ATXN1: variants seen among roughly 807,000 people sequenced by gnomAD.
ATXN1 encodes the protein ataxin 1, also known as ataxin-1.
A neutral mutation model predicts 56.4 loss-of-function variants in ATXN1; 8 were observed. The observed-to-expected ratio is 0.14, with a 90% confidence interval of 0.08 to 0.26. ATXN1 has a LOEUF of 0.26. ATXN1 is among the 10% of genes least tolerant of loss of function. The pLI is 1.00. For synonymous variants in ATXN1, 514 were observed against 494.6 expected, an observed-to-expected ratio of 1.04 and a Z score of -0.52; for missense variants, 987 against 1,106.5, an observed-to-expected ratio of 0.89 and a Z score of 1.53.
At chr6:16,331,450 G>T (rs138435789) in intron 6 of ATXN1, among the ~76,000 whole-genome samples, 31 of 152,190 alleles carry the variant, frequency 2.0e-4, no homozygotes, top group Non-Finnish European at 4.4e-4. Context: ...CCATACCAAC[G>T]AGCAAGGAAA....
intron 6 of ATXN1, among the ~76,000 whole-genome samples, chr6:16,366,678 G>A (rs111860606): frequency 0.026 from 3,993 of 151,800 alleles, 84 homozygotes; most frequent in Non-Finnish European, 0.041. Context: ...CTACTCGGGA[G>A]GCTGAGACAG....
At chr6:16,390,915 C>A (rs539828624) in intron 6 of ATXN1, among the ~76,000 whole-genome samples, 1 of 152,224 alleles carries the variant, frequency 6.6e-6, no homozygotes, top group South Asian at 2.1e-4. Flanking sequence ...AATCCCACCA[C>A]TTTGGGAGGC....
At chr6:16,387,443 C>T (rs1316372584) in intron 6 of ATXN1, among the ~76,000 whole-genome samples, 1 of 152,096 alleles carries the variant, frequency 6.6e-6, no homozygotes, top group Non-Finnish European at 1.5e-5. Context: ...GAGGTGGTGC[C>T]CTGCTACTTG....
intron 2 of ATXN1, among the ~76,000 whole-genome samples, chr6:16,678,123 A>G (rs1399286250): frequency 6.6e-6 from 1 of 152,250 alleles, no homozygotes; most frequent in African/African-American, 2.4e-5. Flanking sequence ...TTGCCATTGC[A>G]TGGCAAAAAT....
intron 2 of ATXN1, among the ~76,000 whole-genome samples, chr6:16,728,530 C>T (rs1263597310): frequency 6.6e-6 from 1 of 152,216 alleles, no homozygotes; most frequent in African/African-American, 2.4e-5. Context: ...ACCAACTCCA[C>T]TACACGCCAT....
intron 2 of ATXN1, chr6:16,667,557 A>T (rs558260693): frequency 6.6e-6 from 1 of 152,326 alleles, no homozygotes; most frequent in Admixed American, 6.5e-5. Flanking sequence ...GATGTTCTGT[A>T]AACAAAATGA....
chr6:16,300,384 A>T lies in ATXN1; in HGVS notation c.*5945T>A, dbSNP rs1178012432. On this transcript the variant is annotated 3_prime_UTR_variant, in exon 8 of 8. Transcript: ENST00000436367. ...TCCCTCCCGCCATTACACAGGAGAA[A>T]GTTAGCTACCAGAACAGTTGCCTTC... 1 of 152,626 alleles carries T rather than the reference A, an allele frequency of 6.6e-6. No individual in the cohort carries two copies. The highest frequency in any genetic ancestry group is 2.4e-5 in the African/African-American group (1 of 41,442). 9.5% of individuals were successfully genotyped at this position (152,626 alleles called of 1,614,324 possible).
chr6:16,610,781 T>C (rs570632156), intron 3 of ATXN1, among the ~76,000 whole-genome samples: 5 of 151,806 alleles, frequency 3.3e-5, no homozygotes, highest in South Asian at 4.2e-4. Context: ...CCCAGAACTT[T>C]GGGAGGCCGA....
chr6:16,344,501 T>C (rs1053814197), intron 6 of ATXN1, among the ~76,000 whole-genome samples: 1 of 152,222 alleles, frequency 6.6e-6, no homozygotes, highest in African/African-American at 2.4e-5. Context: ...GTAGAAGGAC[T>C]AGACTGGCTG....
intron 6 of ATXN1, among the ~76,000 whole-genome samples, chr6:16,444,209 A>G (rs1481866045): frequency 6.6e-6 from 1 of 152,206 alleles, no homozygotes; most frequent in Non-Finnish European, 1.5e-5. Flanking sequence ...TGGAAAGGAA[A>G]AACAATATTC....
Position 16,657,280 on chromosome 6 carries a change from C to T in ATXN1, c.-489+496G>A, listed in dbSNP as rs541883838. Among the ~76,000 whole-genome samples, 28 of 152,330 alleles carry T rather than the reference C, an allele frequency of 1.8e-4. No individual in the cohort carries two copies. In the South Asian group the frequency reaches 1.9e-3, roughly 10 times the overall value. On this transcript the variant is annotated intron_variant, in intron 3 of 7. Transcript: ENST00000436367. ...GGGATTACAGGCGTGAGCCACCACA[C>T]CCAGCCCAGTATTATAATCTTATGG...
At chr6:16,688,908 T>C (rs1422719780) in intron 2 of ATXN1, among the ~76,000 whole-genome samples, 2 of 152,174 alleles carry the variant, frequency 1.3e-5, no homozygotes, top group Admixed American at 6.5e-5. Context: ...AAAAAAAGCA[T>C]GGAAATAGAC....
chr6:16,586,793 G>A (rs759849438), intron 3 of ATXN1, among the ~76,000 whole-genome samples: 63 of 152,262 alleles, frequency 4.1e-4, no homozygotes, highest in Non-Finnish European at 6.3e-4. Context: ...GGCTGAGGTG[G>A]GCGGATCATG....
At chr6:16,336,273 C>T (rs1168679605) in intron 6 of ATXN1, among the ~76,000 whole-genome samples, 1 of 152,080 alleles carries the variant, frequency 6.6e-6, no homozygotes, top group Non-Finnish European at 1.5e-5. Flanking sequence ...CTGGCTATGG[C>T]GATGGCAGCC....
At chr6:16,678,501 C>T (rs577641383) in intron 2 of ATXN1, among the ~76,000 whole-genome samples, 2 of 152,274 alleles carry the variant, frequency 1.3e-5, no homozygotes, top group African/African-American at 4.8e-5. Context: ...ACCTGGCTGT[C>T]TTTTGGCTGG....
At chr6:16,548,402 C>A (rs1761854031) in intron 4 of ATXN1, among the ~76,000 whole-genome samples, 1 of 152,124 alleles carries the variant, frequency 6.6e-6, no homozygotes, top group Non-Finnish European at 1.5e-5. Flanking sequence ...TTAGGCTGCA[C>A]CAAATTTATT....
intron 6 of ATXN1, among the ~76,000 whole-genome samples, chr6:16,460,159 T>A (rs1003722373): frequency 3.9e-5 from 6 of 152,042 alleles, no homozygotes; most frequent in African/African-American, 7.2e-5. Context: ...ATTCATCTAG[T>A]AGAATGGGAA....
intron 3 of ATXN1, among the ~76,000 whole-genome samples, chr6:16,607,456 G>T (rs560997570): frequency 6.6e-6 from 1 of 152,298 alleles, no homozygotes; most frequent in East Asian, 1.9e-4. Flanking sequence ...TTGATATTGC[G>T]CTGCATGGTA....
At chr6:16,515,627 A>G (rs1306517587) in intron 5 of ATXN1, among the ~76,000 whole-genome samples, 1 of 151,964 alleles carries the variant, frequency 6.6e-6, no homozygotes, top group African/African-American at 2.4e-5. Flanking sequence ...CTTTCTCTCT[A>G]TGAGCTGTCC....
Sources: gnomAD v4.1 joint callset for allele counts (sites outside exome capture counted in the v4.1 genomes callset) on GRCh38, gnomAD v4.1.1 for gene constraint, MANE v1.5 for transcripts, NCBI Gene and HGNC (gene_info 2026-07-23, HGNC 2026-07-21) for gene names.